EYA2: variants seen among roughly 807,000 people sequenced by gnomAD.
EYA2 encodes EYA transcriptional coactivator and phosphatase 2, also known as protein phosphatase EYA2.
Under a neutral mutation model 69.2 loss-of-function variants are expected in EYA2, and 31 were observed. That is an observed-to-expected ratio of 0.45 (90% CI 0.34 to 0.60). The LOEUF is 0.60. EYA2 is among the 20% of genes least tolerant of loss of function. The probability of loss-of-function intolerance (pLI) is 0.02; values close to 1 mark genes in which losing one functional copy is unlikely to be tolerated. For synonymous variants in EYA2, 257 were observed against 279.4 expected, an observed-to-expected ratio of 0.92 and a Z score of 0.80; for missense variants, 622 against 701.2, an observed-to-expected ratio of 0.89 and a Z score of 1.28.
intron 1 of EYA2, among the ~76,000 whole-genome samples, chr20:46,956,438 G>T (rs569486095): frequency 1.3e-5 from 2 of 152,174 alleles, no homozygotes; most frequent in East Asian, 3.9e-4. Context: ...AGTGTTCCTG[G>T]TAGATGGGTG....
intron 5 of EYA2, among the ~76,000 whole-genome samples, chr20:47,042,250 A>G (rs918997019): frequency 8.5e-5 from 13 of 152,308 alleles, no homozygotes; most frequent in Admixed American, 6.5e-4. Context: ...GATAGGTGCA[A>G]TGTCACTCAG....
intron 5 of EYA2, among the ~76,000 whole-genome samples, chr20:47,038,944 A>T (rs1380936135): frequency 6.6e-6 from 1 of 152,184 alleles, no homozygotes; most frequent in Non-Finnish European, 1.5e-5. Context: ...TCTTTTTCAC[A>T]GCTACTGGGC....
At chr20:47,130,818 G>A (rs757641965) in intron 9 of EYA2, among the ~76,000 whole-genome samples, 1 of 152,184 alleles carries the variant, frequency 6.6e-6, no homozygotes, top group Non-Finnish European at 1.5e-5. Context: ...GCCCGGGCGA[G>A]GTGGCTCATG....
chr20:47,092,804 G>T (rs1430400013), intron 8 of EYA2, among the ~76,000 whole-genome samples: 3 of 152,130 alleles, frequency 2.0e-5, no homozygotes, highest in Non-Finnish European at 2.9e-5. Flanking sequence ...ATCATAGAAG[G>T]TTTGCTTGGG....
intron 8 of EYA2, chr20:47,095,881 C>T (rs2032232575): frequency 6.6e-6 from 1 of 152,078 alleles, no homozygotes; most frequent in African/African-American, 2.4e-5. Context: ...ACTTGGGATC[C>T]AGAAAACAGT....
At chr20:47,022,195 G>C (rs1480470538) in intron 5 of EYA2, among the ~76,000 whole-genome samples, 1 of 152,210 alleles carries the variant, frequency 6.6e-6, no homozygotes, top group African/African-American at 2.4e-5. Flanking sequence ...AACTCGTTCT[G>C]TGGTCACTGA....
At chr20:47,125,798 TA>T (rs1300358501) in intron 9 of EYA2, among the ~76,000 whole-genome samples, 11 of 152,234 alleles carry the variant, frequency 7.2e-5, no homozygotes. Context: ...GTTCAACTTG[TA>T]AACAGCTCCT....
intron 1 of EYA2, among the ~76,000 whole-genome samples, chr20:46,932,372 G>A (rs551164764): frequency 1.3e-5 from 2 of 152,328 alleles, no homozygotes; most frequent in South Asian, 2.1e-4. Context: ...TTTAAAGGAT[G>A]TGGGCTCTGG....
At chr20:47,055,445 C>T (rs2030561209) in intron 5 of EYA2, among the ~76,000 whole-genome samples, 1 of 152,176 alleles carries the variant, frequency 6.6e-6, no homozygotes, top group African/African-American at 2.4e-5. Context: ...GATCATGTCA[C>T]TCCCCTGTTT....
intron 5 of EYA2, 92 bp downstream of exon 5, chr20:47,016,389 G>C: frequency 1.1e-6 from 1 of 946,708 alleles, no homozygotes. Flanking sequence ...GATTTTTTGA[G>C]CACCTACTAT....
intron 5 of EYA2, among the ~76,000 whole-genome samples, chr20:47,035,798 A>C (rs1489890618): frequency 2.6e-5 from 4 of 151,904 alleles, no homozygotes; most frequent in African/African-American, 9.7e-5. Context: ...CCTTGAGACT[A>C]GAAGTTCGAG....
intron 2 of EYA2, among the ~76,000 whole-genome samples, chr20:47,000,311 C>A (rs1442479719): frequency 1.3e-5 from 2 of 152,210 alleles, no homozygotes; most frequent in African/African-American, 2.4e-5. Context: ...CCTCATTGCA[C>A]AGGGGGGAGC....
intron 7 of EYA2, among the ~76,000 whole-genome samples, chr20:47,086,606 G>A (rs910458749): frequency 2.6e-5 from 4 of 152,106 alleles, no homozygotes; most frequent in South Asian, 2.1e-4. Flanking sequence ...TGCGGTACCC[G>A]GGGAGGGGAG....
At chr20:46,961,196 G>C (rs535276398) in intron 1 of EYA2, among the ~76,000 whole-genome samples, 21 of 152,232 alleles carry the variant, frequency 1.4e-4, no homozygotes, top group African/African-American at 5.1e-4. Context: ...TTAGCCGGGC[G>C]TGGTGGTGCG....
At chr20:47,064,684 T>A (rs528075709) in intron 5 of EYA2, among the ~76,000 whole-genome samples, 2 of 152,128 alleles carry the variant, frequency 1.3e-5, no homozygotes, top group Non-Finnish European at 2.9e-5. Flanking sequence ...ATGGCCAACC[T>A]AGCGAGTGTG....
In EYA2 at chr20:47,070,341, A is replaced by T. The variant is rs114488107; in HGVS notation, c.416-1844A>T. On this transcript the variant is annotated intron_variant, in intron 5 of 15. Transcript: ENST00000327619. Reference sequence around the variant, plus strand: ...CATTGGAGAAATGCTACTTAAAACCACAGTGAGATACAACCACATACTTCG... The same window carrying T: ...CATTGGAGAAATGCTACTTAAAACCTCAGTGAGATACAACCACATACTTCG... Among the ~76,000 whole-genome samples the T allele has an allele frequency of 6.2e-3, 945 of 152,376 alleles. 12 individuals carry two copies. The highest frequency in any genetic ancestry group is 0.022 in the African/African-American group (898 of 41,594).
chr20:46,905,082 A>T (rs113925023), intron 1 of EYA2, among the ~76,000 whole-genome samples: 2,370 of 152,120 alleles, frequency 0.016, 21 homozygotes, highest in Middle Eastern at 0.034. Context: ...GTTATAAATT[A>T]AAAAAAAGTC....
At chr20:46,933,560 ACT>A (rs764984454) in intron 1 of EYA2, among the ~76,000 whole-genome samples, 9 of 152,114 alleles carry the variant, frequency 5.9e-5, no homozygotes, top group Non-Finnish European at 1.0e-4. Flanking sequence ...GTGGTGGGTC[ACT>A]CTGTTATTGA....
At chr20:47,052,031 G>A (rs534364654) in intron 5 of EYA2, among the ~76,000 whole-genome samples, 2 of 152,236 alleles carry the variant, frequency 1.3e-5, no homozygotes, top group Admixed American at 1.3e-4. Context: ...AAATAGTGCC[G>A]AGAACAAAAC....
Sources: gnomAD v4.1 joint callset for allele counts (sites outside exome capture counted in the v4.1 genomes callset) on GRCh38, gnomAD v4.1.1 for gene constraint, MANE v1.5 for transcripts, NCBI Gene and HGNC (gene_info 2026-07-23, HGNC 2026-07-21) for gene names.